The following AKAP6 variants were observed in gnomAD, a reference collection of about 807,000 sequenced individuals.
AKAP6 encodes the protein A-kinase anchoring protein 6, also known as A-kinase anchor protein 6.
AKAP6 carries 58 observed loss-of-function variants against 188.5 expected under a neutral mutation model. The ratio of observed to expected loss-of-function variants is 0.31; its 90% confidence interval spans 0.25 to 0.38. The LOEUF (loss-of-function observed/expected upper bound fraction) is 0.38, where lower values mean the gene tolerates loss of function less well. AKAP6 is among the 10% of genes least tolerant of loss of function. AKAP6 has a pLI of 1.00. For missense variants in AKAP6, 2,710 were observed against 2,740.0 expected (o/e 0.99, Z 0.24); for synonymous variants, 989 against 998.6 (o/e 0.99, Z 0.18).
chr14:32,832,784 C>T lies in AKAP6; in HGVS notation c.*2979C>T, dbSNP rs1381052891. 2 of 152,584 alleles carry T rather than the reference C, an allele frequency of 1.3e-5. No individual in the cohort carries two copies. The highest frequency in any genetic ancestry group is 3.9e-4 in the East Asian group (2 of 5,188). The allele number at this position is 152,584 out of a possible 1,614,324, so 9.5% of individuals were successfully genotyped here. On this transcript the variant is annotated 3_prime_UTR_variant, in exon 14 of 14. Coordinates refer to ENST00000280979, the MANE Select transcript of AKAP6 (RefSeq NM_004274.5). ...GGAGCAGCCCAGATTATCTTTACTC[C>T]CTCTTTCTCATGGCAACCCTGAAGA...
intron 1 of AKAP6, among the ~76,000 whole-genome samples, chr14:32,358,658 G>A (rs192530940): frequency 2.2e-4 from 33 of 152,238 alleles, no homozygotes; most frequent in African/African-American, 7.9e-4. Context: ...AACATTCTGA[G>A]GATACGTGCA....
At chr14:32,509,120 CTTTTT>C (rs368423502) in intron 2 of AKAP6, among the ~76,000 whole-genome samples, 9,636 of 94,424 alleles carry the variant, frequency 0.1, 358 homozygotes, top group African/African-American at 0.12. Context: ...TGCCCTGCCT[CTTTTT>C]TTTTTTTTTT....
rs1383854173 is a variant in AKAP6 at position 32,799,841 on chromosome 14, C to T, written c.3589-21561C>T. 3.3e-5 allele frequency among the ~76,000 whole-genome samples: 5 copies of T among 151,914 alleles called. No homozygotes were observed. In the East Asian group the frequency reaches 9.6e-4, roughly 29 times the overall value. ...AATTAGATCAAGTCAAGTGATAATG[C>T]TGTTCAGTTCAACTATGTACCTATT... On this transcript the variant is annotated intron_variant, in intron 12 of 13. Coordinates refer to ENST00000280979, the MANE Select transcript of AKAP6 (RefSeq NM_004274.5).
At chr14:32,558,232 G>A (rs1197532029) in intron 4 of AKAP6, among the ~76,000 whole-genome samples, 3 of 152,108 alleles carry the variant, frequency 2.0e-5, no homozygotes, top group Admixed American at 6.5e-5. Flanking sequence ...AAGTATAGAA[G>A]TTTAATACTG....
intron 2 of AKAP6, among the ~76,000 whole-genome samples, chr14:32,469,675 CTT>C (rs3032351): frequency 2.8e-5 from 4 of 145,438 alleles, no homozygotes; most frequent in Non-Finnish European, 4.5e-5. Flanking sequence ...AAAAGAATGT[CTT>C]TTTTTTTTTG....
At chr14:32,373,757 T>A (rs1339562338) in intron 1 of AKAP6, among the ~76,000 whole-genome samples, 1 of 152,154 alleles carries the variant, frequency 6.6e-6, no homozygotes, top group East Asian at 1.9e-4. Context: ...TTAAGTTAGA[T>A]CTCTTTCACT....
At chr14:32,771,510 C>A (rs913522944) in intron 11 of AKAP6, among the ~76,000 whole-genome samples, 3 of 152,106 alleles carry the variant, frequency 2.0e-5, no homozygotes, top group African/African-American at 7.2e-5. Flanking sequence ...ATTCTAGATA[C>A]TTACAAAAAA....
chr14:32,409,362 G>A (rs73259224), intron 1 of AKAP6, among the ~76,000 whole-genome samples: 6 of 152,172 alleles, frequency 3.9e-5, no homozygotes, highest in Non-Finnish European at 7.3e-5. Context: ...GATGACAAAG[G>A]AGCCCAGAAT....
At chr14:32,337,573 T>TAAAA (rs1566450144) in intron 1 of AKAP6, among the ~76,000 whole-genome samples, 1 of 152,170 alleles carries the variant, frequency 6.6e-6, no homozygotes, top group Non-Finnish European at 1.5e-5. Flanking sequence ...TTAAAAATTT[T>TAAAA]ATTTTATTAT....
intron 2 of AKAP6, among the ~76,000 whole-genome samples, chr14:32,504,859 A>G (rs1399954172): frequency 6.6e-6 from 1 of 152,324 alleles, no homozygotes; most frequent in East Asian, 1.9e-4. Context: ...GCTCTGCTCC[A>G]TGTCTTTGTC....
intron 7 of AKAP6, among the ~76,000 whole-genome samples, chr14:32,634,527 A>C (rs1208827071): frequency 6.6e-6 from 1 of 152,062 alleles, no homozygotes; most frequent in Non-Finnish European, 1.5e-5. Flanking sequence ...AATCTTCTTG[A>C]AGGCAAACAG....
At chr14:32,499,507 C>T (rs1880497556) in intron 2 of AKAP6, among the ~76,000 whole-genome samples, 1 of 151,740 alleles carries the variant, frequency 6.6e-6, no homozygotes, top group South Asian at 2.1e-4. Context: ...TGATTTTAGT[C>T]TTATGTAGAC....
At chr14:32,685,086 C>A (rs112093551) in intron 8 of AKAP6, among the ~76,000 whole-genome samples, 2 of 98,346 alleles carry the variant, frequency 2.0e-5, no homozygotes, top group African/African-American at 5.6e-5. Flanking sequence ...TAAGACCCCC[C>A]CCTACCAAAC....
At chr14:32,715,752 A>G (rs1312665718) in intron 9 of AKAP6, among the ~76,000 whole-genome samples, 1 of 135,064 alleles carries the variant, frequency 7.4e-6, no homozygotes, top group African/African-American at 2.6e-5. Context: ...TGTTCAGTGA[A>G]AGTCAATAAA....
At chr14:32,472,816 T>C (rs967780903) in intron 2 of AKAP6, among the ~76,000 whole-genome samples, 2 of 152,194 alleles carry the variant, frequency 1.3e-5, no homozygotes, top group Non-Finnish European at 2.9e-5. Flanking sequence ...TAAGAGAGAT[T>C]GAAACAACAG....
chr14:32,621,641 A>G (rs1224599877), intron 7 of AKAP6, among the ~76,000 whole-genome samples: 1 of 152,110 alleles, frequency 6.6e-6, no homozygotes, highest in African/African-American at 2.4e-5. Flanking sequence ...AATAATGTAT[A>G]TTATACAGTT....
At chr14:32,670,594 G>A (rs1437817657) in intron 7 of AKAP6, among the ~76,000 whole-genome samples, 2 of 152,112 alleles carry the variant, frequency 1.3e-5, no homozygotes, top group African/African-American at 4.8e-5. Flanking sequence ...AAAAAAGTAG[G>A]GTTTCCTCCC....
At chr14:32,405,800 C>T (rs575484748) in intron 1 of AKAP6, among the ~76,000 whole-genome samples, 5 of 152,130 alleles carry the variant, frequency 3.3e-5, no homozygotes, top group African/African-American at 1.2e-4. Context: ...TGCCTTCTGC[C>T]ATGATTGCAA....
At chr14:32,667,256 T>C (rs1301531731) in intron 7 of AKAP6, among the ~76,000 whole-genome samples, 2 of 152,138 alleles carry the variant, frequency 1.3e-5, no homozygotes, top group African/African-American at 2.4e-5. Flanking sequence ...CACCCAGGTT[T>C]ACAATAGTGT....
Sources: allele counts gnomAD v4.1 joint callset (sites outside exome capture counted in the v4.1 genomes callset), GRCh38; gene constraint gnomAD v4.1.1; transcripts MANE v1.5; gene names NCBI Gene and HGNC (gene_info 2026-07-23, HGNC 2026-07-21).